DTD1: variants seen among roughly 807,000 people sequenced by gnomAD.
DTD1 encodes the protein D-aminoacyl-tRNA deacylase 1, also known as D-tyrosyl-tRNA deacylase 1 homolog.
Under a neutral mutation model 25.6 loss-of-function variants are expected in DTD1, and 13 were observed. That is an observed-to-expected ratio of 0.51 (90% CI 0.33 to 0.81). DTD1 has a LOEUF of 0.81. Among genes scored for constraint, DTD1 ranks in the 30% least tolerant of loss-of-function variants. The probability of loss-of-function intolerance (pLI) is 0.02; values close to 1 mark genes in which losing one functional copy is unlikely to be tolerated. For synonymous variants in DTD1, 110 were observed against 103.6 expected (o/e 1.06, Z -0.37); for missense variants, 193 against 266.4 (o/e 0.72, Z 1.92).
chr20:18,673,944 T>G (rs549446144), intron 4 of DTD1, among the ~76,000 whole-genome samples: 1 of 152,264 alleles, frequency 6.6e-6, no homozygotes, highest in East Asian at 1.9e-4. Flanking sequence ...TTTAAAAACT[T>G]TATCGTATTT....
chr20:18,707,192 A>T (rs187890735), intron 4 of DTD1, among the ~76,000 whole-genome samples: 49 of 152,398 alleles, frequency 3.2e-4, no homozygotes, highest in Non-Finnish European at 5.3e-4. Context: ...AGACATGGTC[A>T]GGATTCCAGT....
At chr20:18,619,549 C>T (rs946989932) in intron 3 of DTD1, among the ~76,000 whole-genome samples, 18 of 152,020 alleles carry the variant, frequency 1.2e-4, no homozygotes, top group African/African-American at 4.1e-4. Flanking sequence ...CTCAGTCTCC[C>T]GAGTAGCTAG....
chr20:18,588,521 A>G (rs77668476), intron 1 of DTD1, among the ~76,000 whole-genome samples: 2,627 of 152,298 alleles, frequency 0.017, 38 homozygotes, highest in Non-Finnish European at 0.026. Context: ...TCACTGCTGT[A>G]TTTTAAATGT....
intron 3 of DTD1, among the ~76,000 whole-genome samples, chr20:18,597,158 T>A (rs1388175602): frequency 7.7e-5 from 1 of 12,980 alleles, no homozygotes; most frequent in Non-Finnish European, 2.3e-4. Flanking sequence ...AGAGAAAGTG[T>A]GTGTGTGTGT....
At chr20:18,631,489 G>A (rs2060787484) in intron 4 of DTD1, 1 of 985,234 alleles carries the variant, frequency 1.0e-6, no homozygotes, top group Admixed American at 6.2e-5. Flanking sequence ...TTATCCCATT[G>A]GGTTTTAAAT....
chr20:18,686,079 C>A (rs2061015584), intron 4 of DTD1, among the ~76,000 whole-genome samples: 1 of 152,218 alleles, frequency 6.6e-6, no homozygotes, highest in African/African-American at 2.4e-5. Flanking sequence ...AAAGTGTCAG[C>A]CTCAGGTTCT....
Position 18,742,695 on chromosome 20 carries a change from A to G in DTD1, c.478-1405A>G, listed in dbSNP as rs190855080. ...TCTATAAAACCGGTCCCTGGTGCCA[A>G]AAATGTTGGGGACCACTACTATAAG... On this transcript the variant is annotated intron_variant, in intron 4 of 5. Transcript: ENST00000377452. 1.4e-3 allele frequency among the ~76,000 whole-genome samples: 212 copies of G among 152,292 alleles called. 2 individuals carry two copies. The highest frequency in any genetic ancestry group is 4.8e-3 in the African/African-American group (201 of 41,564).
At chr20:18,649,995 T>C (rs1484884832) in intron 4 of DTD1, among the ~76,000 whole-genome samples, 2 of 152,192 alleles carry the variant, frequency 1.3e-5, no homozygotes, top group African/African-American at 2.4e-5. Context: ...GGTGGATTGC[T>C]TGAGCCCAGG....
intron 4 of DTD1, among the ~76,000 whole-genome samples, chr20:18,740,468 A>G (rs190971681): frequency 1.3e-5 from 2 of 152,268 alleles, no homozygotes; most frequent in African/African-American, 4.8e-5. Context: ...GCATCTACAC[A>G]CAAGTAAGAC....
intron 4 of DTD1, chr20:18,679,029 C>A (rs1009341655): frequency 1.2e-4 from 19 of 152,208 alleles, no homozygotes; most frequent in African/African-American, 4.6e-4. Flanking sequence ...CTTATGTCAG[C>A]AGCTGTTTTT....
chr20:18,686,871 T>G (rs567851873), intron 4 of DTD1, among the ~76,000 whole-genome samples: 1 of 152,324 alleles, frequency 6.6e-6, no homozygotes, highest in Admixed American at 6.5e-5. Context: ...GAAGAGATTT[T>G]ATGAGAAGTT....
At chr20:18,625,652 A>G (rs1600327476) in intron 3 of DTD1, among the ~76,000 whole-genome samples, 1 of 152,168 alleles carries the variant, frequency 6.6e-6, no homozygotes, top group Non-Finnish European at 1.5e-5. Context: ...GCCTGGCCCC[A>G]GGCTTATTTT....
chr20:18,708,518 G>T (rs887646285), intron 4 of DTD1, among the ~76,000 whole-genome samples: 1 of 148,846 alleles, frequency 6.7e-6, no homozygotes, highest in Non-Finnish European at 1.5e-5. Flanking sequence ...ACCACACCTG[G>T]CTAATTTTTG....
chr20:18,600,300 C>G (rs2060628552), intron 3 of DTD1, among the ~76,000 whole-genome samples: 1 of 152,128 alleles, frequency 6.6e-6, no homozygotes, highest in South Asian at 2.1e-4. Context: ...TGGTCTTTGT[C>G]TAGAGGCGCT....
At chr20:18,632,123 T>G in intron 4 of DTD1, 1 of 972,662 alleles carries the variant, frequency 1.0e-6, no homozygotes, top group Middle Eastern at 5.3e-4. Flanking sequence ...TGTATGTAGA[T>G]CAGAGCATCA....
intron 3 of DTD1, among the ~76,000 whole-genome samples, chr20:18,624,531 C>T (rs954583548): frequency 2.0e-5 from 3 of 152,134 alleles, no homozygotes; most frequent in African/African-American, 4.8e-5. Context: ...TGGCCATGCT[C>T]GATTGAGTCT....
In DTD1 at chr20:18,765,919, A is replaced by G. The variant is rs1190612049; in HGVS notation, c.*2579A>G. The G allele has an allele frequency of 2.6e-5, 4 of 152,252 alleles. No individual in the cohort carries two copies. Among genetic ancestry groups the G allele is most frequent in the Non-Finnish European group, 5.9e-5 (4 of 68,052 alleles). The allele number at this position is 152,252 out of a possible 1,614,324, so 9.4% of individuals were successfully genotyped here. A position where few individuals can be genotyped will look rare whatever the true frequency, so the allele number is the denominator to read the frequency against. On this transcript the variant is annotated 3_prime_UTR_variant, in exon 6 of 6. Transcript: ENST00000377452. ...CTTTTCTGAGAAGCCTTGGCAGATCACAGACCCAGGACTTTAAACAGAGTG... is the reference window on the plus strand; with the variant it reads ...CTTTTCTGAGAAGCCTTGGCAGATCGCAGACCCAGGACTTTAAACAGAGTG...
At chr20:18,647,929 G>A (rs1235519676) in intron 4 of DTD1, among the ~76,000 whole-genome samples, 1 of 152,136 alleles carries the variant, frequency 6.6e-6, no homozygotes, top group Non-Finnish European at 1.5e-5. Flanking sequence ...CAGGGGCCAG[G>A]GGAGAGTGGT....
rs1002436599 is a variant in DTD1 at position 18,766,355 on chromosome 20, A to G, written c.*3015A>G. On this transcript the variant is annotated 3_prime_UTR_variant, in exon 6 of 6. Transcript: ENST00000377452. ...AAGAATTCTTAATTTGTTGTTCGTT[A>G]TTGATTCAGGTCCTTTAAAAATAGA... 5 of 152,266 alleles carry G rather than the reference A, an allele frequency of 3.3e-5. No homozygotes were observed. The highest frequency in any genetic ancestry group is 5.9e-5 in the Non-Finnish European group (4 of 68,014). 9.4% of individuals were successfully genotyped at this position (152,266 alleles called of 1,614,324 possible). A position where few individuals can be genotyped will look rare whatever the true frequency, so the allele number is the denominator to read the frequency against.
Sources: allele counts gnomAD v4.1 joint callset (sites outside exome capture counted in the v4.1 genomes callset), GRCh38; gene constraint gnomAD v4.1.1; transcripts MANE v1.5; gene names NCBI Gene and HGNC (gene_info 2026-07-23, HGNC 2026-07-21).